The following PIK3IP1 variants were observed in gnomAD, a reference collection of about 807,000 sequenced individuals.
PIK3IP1 encodes the protein phosphoinositide-3-kinase interacting protein 1.
Under a neutral mutation model 30.7 loss-of-function variants are expected in PIK3IP1, and 28 were observed. The observed-to-expected ratio is 0.91, with a 90% confidence interval of 0.68 to 1.25. The LOEUF (loss-of-function observed/expected upper bound fraction) is 1.25, where lower values mean the gene tolerates loss of function less well. Among genes scored for constraint, PIK3IP1 ranks in the 50% most tolerant of loss-of-function variants. The pLI, the probability that PIK3IP1 is intolerant of heterozygous loss-of-function variation, is 0.00. For synonymous variants in PIK3IP1, 159 were observed against 140.8 expected (o/e 1.13, Z -0.91); for missense variants, 333 against 346.2 (o/e 0.96, Z 0.30).
intron 3 of PIK3IP1, 120 bp downstream of exon 3, chr22:31,290,845 G>T: frequency 7.3e-7 from 1 of 1,376,534 alleles, no homozygotes; most frequent in South Asian, 1.6e-5. Context: ...CTGGCCAATC[G>T]GACGGCGCGG....
In PIK3IP1 at chr22:31,281,617, A is replaced by G. The variant is rs1377235771; in HGVS notation, c.*1467T>C. The G allele has an allele frequency of 1.3e-5, 2 of 152,078 alleles. No individual in the cohort carries two copies. Among genetic ancestry groups the G allele is most frequent in the African/African-American group, 4.8e-5 (2 of 41,272 alleles). 9.4% of individuals were successfully genotyped at this position (152,078 alleles called of 1,614,324 possible). On this transcript the variant is annotated 3_prime_UTR_variant, in exon 6 of 6. Coordinates refer to ENST00000215912, the MANE Select transcript of PIK3IP1 (RefSeq NM_052880.5). ...GTGGAGTCTTTTTTTTTTTTTAATTAAGTCAAATGCAGAGCAATTTCCCAC... is the reference window on the plus strand; with the variant it reads ...GTGGAGTCTTTTTTTTTTTTTAATTGAGTCAAATGCAGAGCAATTTCCCAC...
Position 31,291,211 on chromosome 22 carries a change from C to G in PIK3IP1, c.156G>C (p.Ala52=). 6.5e-7 allele frequency: 1 copy of G among 1,549,238 alleles called. No individual in the cohort carries two copies. The highest frequency in any genetic ancestry group is 8.7e-7 in the Non-Finnish European group (1 of 1,146,484). Residue 52 remains alanine (A), a synonymous_variant, in exon 2 of 6, where the codon GCG becomes GCC. Transcript: ENST00000215912. ...PGLRCLNWLD[A]QSGLASAPVS... ...CGGGGGCCGAGGCCAGCCCGCTCTG[C>G]GCGTCCAGCCAGTTGAGGCAGCGGA...
intron 5 of PIK3IP1, chr22:31,289,076 G>A: frequency 3.4e-6 from 2 of 590,632 alleles, no homozygotes; most frequent in South Asian, 2.2e-5. Flanking sequence ...CTCTGACAGA[G>A]GCTTCTTCAT....
At chr22:31,285,392 A>G (rs1327124522) in intron 5 of PIK3IP1, among the ~76,000 whole-genome samples, 1 of 152,176 alleles carries the variant, frequency 6.6e-6, no homozygotes, top group Non-Finnish European at 1.5e-5. Context: ...TGTGGTATCT[A>G]TTTTGATCTG....
rs1056848097 is a variant in PIK3IP1, at chr22:31,292,309, G to T, written c.36C>A (p.Ser12Arg). ...CATAGGCTTCTGCTAGGAGCATGTTGCTGACGAGGAATGCTTGTACCCAGG... is the reference window on the plus strand; with the variant it reads ...CATAGGCTTCTGCTAGGAGCATGTTTCTGACGAGGAATGCTTGTACCCAGG... Reference protein sequence around the residue: ...LLAWVQAFLVSNMLLAEAYGS... With the variant: ...LLAWVQAFLVRNMLLAEAYGS... Residue 12 changes from serine (S) to arginine (R), a missense_variant, in exon 1 of 6, where the codon AGC becomes AGA. By Grantham distance (110) the Ser-to-Arg change is moderately radical. This residue lies in a region of PIK3IP1 where 111 missense variants were observed against 100.1 expected (regional missense o/e 1.11). Transcript: ENST00000215912. 1.2e-5 allele frequency: 19 copies of T among 1,614,066 alleles called. No individual in the cohort carries two copies. The highest frequency in any genetic ancestry group is 1.5e-5 in the Non-Finnish European group (18 of 1,180,028).
chr22:31,290,850 G>T, intron 3 of PIK3IP1, 115 bp downstream of exon 3: 1 of 1,389,728 alleles, frequency 7.2e-7, no homozygotes, highest in Non-Finnish European at 9.4e-7. Flanking sequence ...CAATCGGACG[G>T]CGCGGAGGCG....
rs541635152 is a variant in PIK3IP1, at chr22:31,286,796, T to G, written c.587+2519A>C. 7.9e-5 allele frequency among the ~76,000 whole-genome samples: 12 copies of G among 152,286 alleles called. No individual in the cohort carries two copies. In the South Asian group the frequency reaches 2.3e-3, roughly 29 times the overall value. Reference sequence around the variant, plus strand: ...TAGTTCAAGGACTAAACTCAGCCAATGTGGCTTAGGTCTGCTTATGAATTG... The same window carrying G: ...TAGTTCAAGGACTAAACTCAGCCAAGGTGGCTTAGGTCTGCTTATGAATTG... On this transcript the variant is annotated intron_variant, in intron 5 of 5. Transcript: ENST00000215912.
At chr22:31,286,912 C>T (rs1471040907) in intron 5 of PIK3IP1, among the ~76,000 whole-genome samples, 3 of 152,188 alleles carry the variant, frequency 2.0e-5, no homozygotes, top group Non-Finnish European at 4.4e-5. Flanking sequence ...GGGAAACAAC[C>T]TCAGACTGGG....
chr22:31,290,983 C>G lies in PIK3IP1; in HGVS notation c.289G>C (p.Glu97Gln), dbSNP rs767366392. The part of the protein sequence containing the change: ...EAGVPEKRPC[E>Q]DLRCPETTSQ... ...CAGGTACCTGGACAGCGCAGGTCCT[C>G]GCAAGGCCGTTTCTCAGGGACGCCG... is the stretch of plus-strand genomic sequence containing the variant. The change falls in exon 3 of 6, where the codon GAG (glutamate) becomes CAG (glutamine). Residue 97 changes from glutamate to glutamine, a missense_variant. Physicochemically the swap from Glu to Gln is conservative, Grantham distance 29 (BLOSUM62 2). Transcript: ENST00000215912. The G allele has an allele frequency of 6.2e-7, 1 of 1,605,958 alleles. No homozygotes were observed. The highest frequency in any genetic ancestry group is 1.4e-5 in the African/African-American group (1 of 73,794).
chr22:31,290,758 A>G lies in PIK3IP1; in HGVS notation c.307+207T>C, dbSNP rs575909005. 31 of 697,286 alleles carry G rather than the reference A, an allele frequency of 4.4e-5. No homozygotes were observed. In the East Asian group the frequency reaches 8.4e-4, roughly 19 times the overall value. 43.2% of individuals were successfully genotyped at this position (697,286 alleles called of 1,614,324 possible). A position where few individuals can be genotyped will look rare whatever the true frequency, so the allele number is the denominator to read the frequency against. ...GCCTCGCCCCGCGCAGTTGTTTACA[A>G]GCGCTCGCGGCGGATGAGCTCATAC... is the stretch of plus-strand genomic sequence containing the variant. On this transcript the variant is annotated intron_variant, in intron 3 of 5. Coordinates refer to ENST00000215912, the MANE Select transcript of PIK3IP1 (RefSeq NM_052880.5).
At position 31,286,302 on chromosome 22, in the gene PIK3IP1, G is replaced by T. The variant is rs537828309; in HGVS notation, c.587+3013C>A. Among the ~76,000 whole-genome samples, 3 of 152,304 alleles carry T rather than the reference G, an allele frequency of 2.0e-5. No homozygotes were observed. In the South Asian group the frequency reaches 6.2e-4, roughly 32 times the overall value. On this transcript the variant is annotated intron_variant, in intron 5 of 5. Coordinates refer to ENST00000215912, the MANE Select transcript of PIK3IP1 (RefSeq NM_052880.5). ...ACATTTAATACTTATAATCTTAGAT[G>T]GGTAGATGTGGAGGGAGGATATATC...
At chr22:31,291,377 G>T in intron 1 of PIK3IP1, 81 bp from the exon 2 acceptor site, 1 of 1,384,662 alleles carries the variant, frequency 7.2e-7, no homozygotes, top group South Asian at 1.2e-5. Context: ...GGGGAGCCGG[G>T]ACCACCCGGG....
Position 31,283,074 on chromosome 22 carries a change from C to G in PIK3IP1, c.*10G>C, listed in dbSNP as rs1323504069. On this transcript the variant is annotated 3_prime_UTR_variant, in exon 6 of 6. Coordinates refer to ENST00000215912, the MANE Select transcript of PIK3IP1 (RefSeq NM_052880.5). The stretch of plus-strand genomic sequence containing the variant: ...CAGTGTCTGCATGGGCTCCTGCCCA[C>G]TGGGGGGGCTCAGGCCCCAGGAGTC... 1.3e-6 allele frequency: 2 copies of G among 1,580,502 alleles called. No homozygotes were observed. Among genetic ancestry groups the G allele is most frequent in the East Asian group, 2.3e-5 (1 of 43,842 alleles).
chr22:31,283,172 G>C lies in PIK3IP1; in HGVS notation c.704C>G (p.Thr235Ser), dbSNP rs200897541. Residue 235 changes from threonine to serine, a missense_variant, in exon 6 of 6, where the codon ACT (threonine) becomes AGT (serine). Thr to Ser is a moderately conservative substitution (Grantham distance 58, BLOSUM62 1). Transcript: ENST00000215912. The stretch of plus-strand genomic sequence containing the variant: ...AGTCTGGCTGGTGTGGACCACGACA[G>C]TCTTCTCATCCACAATCTCACAGGT... ...NPTCEIVDEKTVVVHTSQTPV... is the reference protein window; with the variant it reads ...NPTCEIVDEKSVVVHTSQTPV... 2.2e-5 allele frequency: 36 copies of C among 1,614,094 alleles called. No individual in the cohort carries two copies. The highest frequency in any genetic ancestry group is 1.0e-5 in the Non-Finnish European group (12 of 1,180,046).
rs149437159 is a variant in PIK3IP1 at position 31,282,723 on chromosome 22, G to A, written c.*361C>T. The A allele has an allele frequency of 4.1e-6, 1 of 243,898 alleles. No individual in the cohort carries two copies. The highest frequency in any genetic ancestry group is 2.2e-5 in the African/African-American group (1 of 46,112). The allele number at this position is 243,898 out of a possible 1,614,324, so 15.1% of individuals were successfully genotyped here. On this transcript the variant is annotated 3_prime_UTR_variant, in exon 6 of 6. Coordinates refer to ENST00000215912, the MANE Select transcript of PIK3IP1 (RefSeq NM_052880.5). The stretch of plus-strand genomic sequence containing the variant: ...ACTCAAGCCCACAGTGGAGACTGAG[G>A]CCATCTTAGTAAAGCACAGAGGAGC...
In PIK3IP1 at chr22:31,289,375, G is replaced by T. The variant is rs1359950872; in HGVS notation, c.527C>A (p.Thr176Asn). 1 of 1,611,944 alleles carries T rather than the reference G, an allele frequency of 6.2e-7. No homozygotes were observed. The highest frequency in any genetic ancestry group is 1.7e-5 in the Admixed American group (1 of 59,530). The change falls in exon 5 of 6, where the codon ACC (threonine) becomes AAC (asparagine). Residue 176 changes from threonine (T) to asparagine (N), a missense_variant. Physicochemically the swap from Thr to Asn is moderately conservative, Grantham distance 65 (BLOSUM62 0). Coordinates refer to ENST00000215912, the MANE Select transcript of PIK3IP1 (RefSeq NM_052880.5). ...GATGGCAATGATGATCACCATCATG[G>T]TAATGCCCAGCACGTAGCCTGCCAA... ...LGTLGYVLGI[T>N]MMVIIIAIGA...
At chr22:31,283,566 CAAT>C (rs1371178515) in intron 5 of PIK3IP1, among the ~76,000 whole-genome samples, 2 of 151,246 alleles carry the variant, frequency 1.3e-5, no homozygotes, top group East Asian at 3.9e-4. Flanking sequence ...CACCGGGGCT[CAAT>C]GAAAATAAAG....
intron 5 of PIK3IP1, among the ~76,000 whole-genome samples, chr22:31,287,740 G>A (rs1449927055): frequency 6.6e-6 from 1 of 152,100 alleles, no homozygotes; most frequent in East Asian, 1.9e-4. Flanking sequence ...TGTGGAGTAG[G>A]AAATTGAAGC....
chr22:31,284,773 G>A (rs1021339882), intron 5 of PIK3IP1, among the ~76,000 whole-genome samples: 6 of 152,168 alleles, frequency 3.9e-5, no homozygotes, highest in African/African-American at 1.2e-4. Context: ...AGTGCAGACA[G>A]TACACTTAGC....
Sources: allele counts gnomAD v4.1 joint callset (sites outside exome capture counted in the v4.1 genomes callset), GRCh38; gene constraint gnomAD v4.1.1; regional missense constraint gnomAD v4.1.1; transcripts MANE v1.5; gene names NCBI Gene and HGNC (gene_info 2026-07-23, HGNC 2026-07-21).